Variants in ABCA13 observed in about 807,000 individuals in gnomAD.
ABCA13 encodes ATP-binding cassette sub-family A member 13.
Under a neutral mutation model 478.7 loss-of-function variants are expected in ABCA13, and 476 were observed. That is an observed-to-expected ratio of 0.99 (90% CI 0.92 to 1.07). ABCA13 has a LOEUF of 1.07. ABCA13 is among the 50% of genes least tolerant of loss of function. The probability of loss-of-function intolerance (pLI) is 0.00; values close to 1 mark genes in which losing one functional copy is unlikely to be tolerated. For missense variants in ABCA13, 6,060 were observed against 5,910.6 expected, an observed-to-expected ratio of 1.03 and a Z score of -0.83; for synonymous variants, 2,252 against 2,158.9, an observed-to-expected ratio of 1.04 and a Z score of -1.20.
chr7:48,184,832 A>G (rs1022078723), intron 1 of ABCA13, among the ~76,000 whole-genome samples: 4 of 152,070 alleles, frequency 2.6e-5, no homozygotes, highest in African/African-American at 9.7e-5. Context: ...AAATAAAAAG[A>G]CAGTTTCTTT....
At chr7:48,439,052 TTA>T (rs1391373822) in intron 42 of ABCA13, among the ~76,000 whole-genome samples, 1 of 152,144 alleles carries the variant, frequency 6.6e-6, no homozygotes, top group African/African-American at 2.4e-5. Flanking sequence ...AAAATTTATT[TTA>T]GTTTTCTATT....
At chr7:48,486,521 G>C (rs1248868562) in intron 47 of ABCA13, among the ~76,000 whole-genome samples, 1 of 147,498 alleles carries the variant, frequency 6.8e-6, no homozygotes, top group Non-Finnish European at 1.5e-5. Context: ...GTATTTCCAG[G>C]CTTCTCAATT....
rs1228503359 is a variant in ABCA13 at position 48,276,352 on chromosome 7, A to G, written c.6686A>G (p.Asp2229Gly). The G allele has an allele frequency of 6.4e-7, 1 of 1,552,470 alleles. No individual in the cohort carries two copies. Among genetic ancestry groups the G allele is most frequent in the South Asian group, 1.2e-5 (1 of 81,368 alleles). Residue 2229 changes from aspartate to glycine, a missense_variant, in exon 17 of 62, where the codon GAT becomes GGT. Asp to Gly is a moderately conservative substitution (Grantham distance 94, BLOSUM62 -1). Around this residue, in one of 3 missense-constraint regions of ABCA13, gnomAD observed 4,423 missense variants for 4,309.1 expected, o/e 1.03. Transcript: ENST00000435803. ...CAGGAAGCAGCTTGGAACTTAAATG[A>G]TACTGACCTTCAAATAATGAATTTC... ...NSQEAAWNLN[D>G]TDLQIMNFIN... is the part of the protein sequence containing the mutation.
At chr7:48,499,448 A>G (rs924998699) in intron 48 of ABCA13, among the ~76,000 whole-genome samples, 1 of 152,216 alleles carries the variant, frequency 6.6e-6, no homozygotes, top group African/African-American at 2.4e-5. Context: ...GAAAGTGAGT[A>G]CTTGAATTGG....
chr7:48,368,506 T>C (rs1319671648), intron 32 of ABCA13, among the ~76,000 whole-genome samples: 1 of 151,884 alleles, frequency 6.6e-6, no homozygotes, highest in East Asian at 1.9e-4. Flanking sequence ...ATCATTCTTA[T>C]ACCTTTGTGT....
At position 48,579,357 on chromosome 7, in the gene ABCA13, T is replaced by C. The variant is rs543795471; in HGVS notation, c.14355-867T>C. 2.6e-5 allele frequency among the ~76,000 whole-genome samples: 4 copies of C among 152,276 alleles called. 1 individual carries two copies. The highest frequency in any genetic ancestry group is 9.6e-5 in the African/African-American group (4 of 41,574). On this transcript the variant is annotated intron_variant, in intron 55 of 61. Transcript: ENST00000435803. The stretch of plus-strand genomic sequence containing the variant: ...TATCACCAAAGAAGACAGATGCAAA[T>C]AAGTTCATAAGATGCTCAACATCAT...
intron 1 of ABCA13, among the ~76,000 whole-genome samples, chr7:48,176,318 T>A (rs1187849064): frequency 6.6e-6 from 1 of 152,140 alleles, no homozygotes; most frequent in African/African-American, 2.4e-5. Flanking sequence ...AAGCATAGTT[T>A]AATACGAGGA....
chr7:48,198,204 A>G (rs1454483639), intron 2 of ABCA13, 33 bp from the exon 3 acceptor site: 1 of 1,600,510 alleles, frequency 6.2e-7, no homozygotes, highest in African/African-American at 1.3e-5. Context: ...TAGCAGGTAT[A>G]CGGACTCATT....
At chr7:48,203,422 A>G (rs1216813015) in intron 3 of ABCA13, among the ~76,000 whole-genome samples, 2 of 152,244 alleles carry the variant, frequency 1.3e-5, no homozygotes, top group African/African-American at 2.4e-5. Context: ...GCCCAGGCAG[A>G]GGAGGCGCTG....
rs201027980 is a variant in ABCA13, at chr7:48,412,540, T to G, written c.12416T>G (p.Leu4139Arg). The G allele has an allele frequency of 6.2e-7, 1 of 1,613,144 alleles. No individual in the cohort carries two copies. The highest frequency in any genetic ancestry group is 1.3e-5 in the African/African-American group (1 of 74,814). Residue 4139 changes from leucine to arginine, a missense_variant, in exon 41 of 62, where the codon CTG becomes CGG. By Grantham distance (102) the Leu-to-Arg change is moderately radical. This residue lies in a region of ABCA13 where 1,627 missense variants were observed against 1,571.0 expected (regional missense o/e 1.04). Transcript: ENST00000435803. ...GCCCTGGATGAGAACCTGCATCAGC[T>G]GCACCTGACGGGCTATGGGATCTCA... Reference protein sequence around the residue: ...FQALDENLHQLHLTGYGISDT... With the variant: ...FQALDENLHQRHLTGYGISDT...
intron 59 of ABCA13, among the ~76,000 whole-genome samples, chr7:48,641,006 C>T (rs574999701): frequency 1.6e-4 from 24 of 152,026 alleles, no homozygotes; most frequent in African/African-American, 5.1e-4. Flanking sequence ...TTTCTTTTTT[C>T]GTAATTCATG....
chr7:48,236,938 T>C (rs1455558328), intron 8 of ABCA13, among the ~76,000 whole-genome samples: 2 of 151,310 alleles, frequency 1.3e-5, no homozygotes, highest in African/African-American at 4.9e-5. Context: ...AGGGTTTAAT[T>C]AATGCAGAGC....
At chr7:48,460,607 T>C (rs1826142615) in intron 43 of ABCA13, among the ~76,000 whole-genome samples, 1 of 152,218 alleles carries the variant, frequency 6.6e-6, no homozygotes, top group African/African-American at 2.4e-5. Flanking sequence ...ATAAGATCAC[T>C]TTCTGAGGTT....
At chr7:48,248,904 A>T (rs887800483) in intron 14 of ABCA13, among the ~76,000 whole-genome samples, 1 of 152,040 alleles carries the variant, frequency 6.6e-6, no homozygotes, top group Non-Finnish European at 1.5e-5. Flanking sequence ...GGGAATATAT[A>T]TTTTCTTAAT....
In ABCA13 at chr7:48,238,719, C is replaced by A. The variant is rs535166512; in HGVS notation, c.898-522C>A. Among the ~76,000 whole-genome samples the A allele has an allele frequency of 3.3e-5, 5 of 152,306 alleles. No homozygotes were observed. The South Asian group carries it at 1.0e-3, about 32-fold the overall frequency. On this transcript the variant is annotated intron_variant, in intron 8 of 61. Coordinates refer to ENST00000435803, the MANE Select transcript of ABCA13 (RefSeq NM_152701.5). ...TCCTGACCTCGTGATCCACCCGCCT[C>A]GGCCTCCCAAAGTGCTGGGATTACA... is the stretch of plus-strand genomic sequence containing the variant.
chr7:48,282,798 C>T (rs1797223136), intron 19 of ABCA13, among the ~76,000 whole-genome samples: 1 of 152,158 alleles, frequency 6.6e-6, no homozygotes, highest in Admixed American at 6.5e-5. Context: ...ATGGCTCTTA[C>T]CACCGTGTGC....
intron 19 of ABCA13, among the ~76,000 whole-genome samples, chr7:48,284,572 C>T (rs1818951): frequency 0.72 from 109,316 of 152,162 alleles, 40,213 homozygotes; most frequent in African/African-American, 0.89. Flanking sequence ...ACACAATTAT[C>T]TGGACATTTC....
chr7:48,292,389 G>T (rs1798661347), intron 20 of ABCA13, among the ~76,000 whole-genome samples: 2 of 152,058 alleles, frequency 1.3e-5, no homozygotes, highest in African/African-American at 4.8e-5. Flanking sequence ...GCACCTTTCA[G>T]ATATGAGCCA....
At chr7:48,505,597 A>T (rs1318355202) in intron 48 of ABCA13, among the ~76,000 whole-genome samples, 1 of 152,192 alleles carries the variant, frequency 6.6e-6, no homozygotes, top group Non-Finnish European at 1.5e-5. Flanking sequence ...ATTTGACTCC[A>T]ATCACTGACA....
Sources: gnomAD v4.1 joint callset for allele counts (sites outside exome capture counted in the v4.1 genomes callset) on GRCh38, gnomAD v4.1.1 for gene constraint, gnomAD v4.1.1 regional missense constraint, MANE v1.5 for transcripts, NCBI Gene and HGNC (gene_info 2026-07-23, HGNC 2026-07-21) for gene names.